TUB: variants seen among roughly 807,000 people sequenced by gnomAD.
TUB encodes tubby protein homolog.
In TUB, 33 loss-of-function variants were observed where a neutral mutation model predicts 59.7. That is an observed-to-expected ratio of 0.55 (90% confidence interval 0.42 to 0.74). The LOEUF is 0.74. TUB is among the 30% of genes least tolerant of loss of function. The pLI is 0.00. For missense variants in TUB, 659 were observed against 672.0 expected, an observed-to-expected ratio of 0.98 and a Z score of 0.21; for synonymous variants, 293 against 256.4, an observed-to-expected ratio of 1.14 and a Z score of -1.36.
chr11:8,083,468 C>G (rs140396333), intron 1 of TUB, among the ~76,000 whole-genome samples: 23 of 152,288 alleles, frequency 1.5e-4, no homozygotes, highest in African/African-American at 5.1e-4. Context: ...TGGCTTAAGC[C>G]TGTTCCTGGG....
At chr11:8,074,255 G>C (rs906900277) in intron 2 of TUB, among the ~76,000 whole-genome samples, 7 of 152,134 alleles carry the variant, frequency 4.6e-5, no homozygotes, top group Admixed American at 1.3e-4. Context: ...ACACCTGGAA[G>C]AAGGGGCCAC....
intron 3 of TUB, 95 bp downstream of exon 3, chr11:8,090,326 G>A (rs7112699): frequency 6.7e-7 from 1 of 1,491,518 alleles, no homozygotes; most frequent in Non-Finnish European, 9.0e-7. Flanking sequence ...CCTGACGGGG[G>A]ATGCCCAGGC....
chr11:8,061,766 A>C (rs907100124), intron 2 of TUB, among the ~76,000 whole-genome samples: 2 of 152,136 alleles, frequency 1.3e-5, no homozygotes, highest in Admixed American at 6.5e-5. Flanking sequence ...ACTGGACCCC[A>C]GGATCCCAGG....
chr11:8,097,157 T>C (rs1944033190), intron 6 of TUB, 71 bp from the exon 7 acceptor site: 1 of 1,556,254 alleles, frequency 6.4e-7, no homozygotes, highest in Admixed American at 1.7e-5. Context: ...GAGGCAGATT[T>C]GGATCCCAGA....
chr11:8,060,382 G>A (rs1338155625), intron 2 of TUB, among the ~76,000 whole-genome samples: 1 of 152,182 alleles, frequency 6.6e-6, no homozygotes, highest in Non-Finnish European at 1.5e-5. Context: ...CCATGGGTCG[G>A]GTTGCTGGCC....
intron 2 of TUB, among the ~76,000 whole-genome samples, chr11:8,057,299 C>A (rs1315649389): frequency 1.3e-5 from 2 of 152,176 alleles, no homozygotes; most frequent in African/African-American, 4.8e-5. Context: ...CCCAGTGTTC[C>A]TGGACCAAAC....
At chr11:8,097,031 A>G (rs1212889407) in intron 6 of TUB, among the ~76,000 whole-genome samples, 197 bp from the exon 7 acceptor site, 1 of 152,068 alleles carries the variant, frequency 6.6e-6, no homozygotes, top group East Asian at 1.9e-4. Flanking sequence ...CGTATCTCCC[A>G]TCTCCACCTC....
chr11:8,034,135 C>T (rs1942614553), upstream of TUB, among the ~76,000 whole-genome samples: 2 of 152,316 alleles, frequency 1.3e-5, no homozygotes, highest in Non-Finnish European at 2.9e-5. Context: ...CCCAGCCTAA[C>T]AGCAACGTGT....
In TUB at chr11:8,098,850, G is replaced by C; in HGVS notation, c.1091G>C (p.Arg364Pro). ...SSSTLESGTL[R>P]QELAAVCYET... ...TCCACTTTGGAAAGTGGAACCTTAC[G>C]TCAGGAGCTGGCAGCTGTGTGCTAC... Residue 364 changes from arginine (R) to proline (P), a missense_variant, in exon 9 of 12, where the codon CGT (arginine) becomes CCT (proline). Coordinates refer to ENST00000299506, the MANE Select transcript of TUB (RefSeq NM_177972.3). 3 of 1,614,024 alleles carry C rather than the reference G, an allele frequency of 1.9e-6. No individual in the cohort carries two copies. Among genetic ancestry groups the C allele is most frequent in the Non-Finnish European group, 2.5e-6 (3 of 1,179,934 alleles).
chr11:8,098,893 G>A lies in TUB; in HGVS notation c.1116+18G>A, dbSNP rs770523261. The A allele has an allele frequency of 4.5e-6, 7 of 1,570,296 alleles. No homozygotes were observed. The highest frequency in any genetic ancestry group is 1.7e-5 in the Admixed American group (1 of 59,802). ...TGTGCTACGTGAGTCCTAGGTTCGG[G>A]GGTCTCTGATTTCCAAGGTAGATAT... On this transcript the variant is annotated intron_variant, in intron 9 of 11. Coordinates refer to ENST00000299506, the MANE Select transcript of TUB (RefSeq NM_177972.3).
At chr11:8,083,247 G>C (rs1436681798) in intron 1 of TUB, among the ~76,000 whole-genome samples, 1 of 152,174 alleles carries the variant, frequency 6.6e-6, no homozygotes, top group African/African-American at 2.4e-5. Flanking sequence ...GTGTGCGGGG[G>C]TCCAGATGGC....
At chr11:8,062,284 G>C (rs1446988825) in intron 2 of TUB, 1 of 152,630 alleles carries the variant, frequency 6.6e-6, no homozygotes, top group African/African-American at 2.4e-5. Flanking sequence ...CCCCACCTGG[G>C]ACCACGGGCA....
chr11:8,092,367 G>A (rs1434109357), intron 3 of TUB, among the ~76,000 whole-genome samples: 1 of 151,932 alleles, frequency 6.6e-6, no homozygotes, highest in Non-Finnish European at 1.5e-5. Context: ...ACTGCAGTGA[G>A]CTATGATCGT....
chr11:8,044,438 T>C (rs1942798230), intron 2 of TUB, among the ~76,000 whole-genome samples: 1 of 152,258 alleles, frequency 6.6e-6, no homozygotes, highest in African/African-American at 2.4e-5. Context: ...TATTTTTCTC[T>C]ATCTTTTTTA....
At chr11:8,057,339 A>G (rs1246702288) in intron 2 of TUB, among the ~76,000 whole-genome samples, 11 of 152,286 alleles carry the variant, frequency 7.2e-5, no homozygotes, top group Non-Finnish European at 1.5e-4. Flanking sequence ...CTCAAGGCCC[A>G]GTAACGAGAT....
intron 8 of TUB, among the ~76,000 whole-genome samples, chr11:8,098,263 C>A (rs1260085170): frequency 6.6e-6 from 1 of 151,200 alleles, no homozygotes; most frequent in African/African-American, 2.4e-5. Flanking sequence ...CAGGTGGGGG[C>A]AGTGGGGAGG....
At chr11:8,084,245 A>G (rs1314311622) in intron 1 of TUB, among the ~76,000 whole-genome samples, 6 of 152,158 alleles carry the variant, frequency 3.9e-5, no homozygotes, top group African/African-American at 1.2e-4. Context: ...CTTTAGAGAA[A>G]TGATAGTTGG....
chr11:8,055,458 C>T (rs1943005387), intron 2 of TUB, among the ~76,000 whole-genome samples: 2 of 152,174 alleles, frequency 1.3e-5, no homozygotes, highest in African/African-American at 4.8e-5. Flanking sequence ...GACAGATGTG[C>T]TGGCATCTGC....
In TUB at chr11:8,090,178, AAGCCCCCCTGGTGG is replaced by A. The variant is rs748490960; in HGVS notation, c.203_216del (p.Ala68ValfsTer52). 6.2e-7 allele frequency: 1 copy of A among 1,613,764 alleles called. No homozygotes were observed. ...CGGCGGGCCCGGCAGTCAGAGGAAC[AAGCCCCCCTGGTGG>A]AGTCCTACCTCAGCAGCAGTGGCAG... On this transcript the variant is annotated frameshift_variant, in exon 3 of 12. Transcript: ENST00000299506. LOFTEE classifies it high-confidence loss of function.
Sources: allele counts gnomAD v4.1 joint callset (sites outside exome capture counted in the v4.1 genomes callset), GRCh38; gene constraint gnomAD v4.1.1; transcripts MANE v1.5; gene names NCBI Gene and HGNC (gene_info 2026-07-23, HGNC 2026-07-21).